NEBL: variants seen among roughly 807,000 people sequenced by gnomAD.
The protein encoded by NEBL is LIM and SH3 protein 2.
In NEBL, 122 loss-of-function variants were observed where a neutral mutation model predicts 140.2. The observed-to-expected ratio is 0.87, with a 90% CI of 0.75 to 1.01. The LOEUF is 1.01. NEBL is among the 50% of genes least tolerant of loss of function. The probability of loss-of-function intolerance (pLI) is 0.00; values close to 1 mark genes in which losing one functional copy is unlikely to be tolerated. For synonymous variants in NEBL, 436 were observed against 398.9 expected (o/e 1.09, Z -1.11); for missense variants, 1,365 against 1,231.3 (o/e 1.11, Z -1.62).
chr10:20,956,908 G>A (rs2131608473), intron 4 of NEBL, among the ~76,000 whole-genome samples: 2 of 152,302 alleles, frequency 1.3e-5, no homozygotes, highest in South Asian at 4.1e-4. Flanking sequence ...GCTCATGCAT[G>A]AGTTGACCCA....
At chr10:21,000,474 G>A (rs1837850110) in intron 3 of NEBL, among the ~76,000 whole-genome samples, 1 of 152,132 alleles carries the variant, frequency 6.6e-6, no homozygotes, top group African/African-American at 2.4e-5. Context: ...ACACAGGGTT[G>A]CAGAATGTTG....
At chr10:21,288,854 A>AAT (rs1564556780) in intron 1 of NEBL, among the ~76,000 whole-genome samples, 29 of 98,032 alleles carry the variant, frequency 3.0e-4, no homozygotes, top group African/African-American at 1.1e-3. Context: ...ATATATAAAA[A>AAT]TTTTTTTTTT....
At chr10:20,868,602 C>T (rs756484548) in intron 7 of NEBL, 62 bp downstream of exon 7, 7 of 1,103,554 alleles carry the variant, frequency 6.3e-6, no homozygotes, top group Non-Finnish European at 8.4e-6. Flanking sequence ...CAATATTCTC[C>T]TGTGCTGTTA....
intron 3 of NEBL, among the ~76,000 whole-genome samples, chr10:21,208,409 G>A (rs1841864249): frequency 6.6e-6 from 1 of 152,188 alleles, no homozygotes; most frequent in African/African-American, 2.4e-5. Context: ...AATAGGTACT[G>A]AACAACTACA....
intron 3 of NEBL, among the ~76,000 whole-genome samples, chr10:21,007,972 A>G (rs1192231643): frequency 1.3e-5 from 2 of 152,226 alleles, no homozygotes; most frequent in African/African-American, 4.8e-5. Flanking sequence ...TTAAATTGCA[A>G]TAAGGTGACT....
intron 2 of NEBL, among the ~76,000 whole-genome samples, chr10:21,036,769 A>G (rs634614): frequency 0.6 from 91,774 of 151,732 alleles, 27,853 homozygotes; most frequent in East Asian, 0.73. Context: ...CAGAAAGTGA[A>G]CCATCCGCCT....
chr10:20,995,105 C>A (rs1395090265), intron 3 of NEBL, among the ~76,000 whole-genome samples: 1 of 152,196 alleles, frequency 6.6e-6, no homozygotes, highest in African/African-American at 2.4e-5. Flanking sequence ...TGGGGACCCC[C>A]CTCACCTTTG....
chr10:21,161,177 T>TTTTTTA (rs1212986778), intron 2 of NEBL, among the ~76,000 whole-genome samples: 1 of 152,172 alleles, frequency 6.6e-6, no homozygotes, highest in Non-Finnish European at 1.5e-5. Flanking sequence ...CTATTGCTTC[T>TTTTTTA]TTTTTATTTT....
intron 3 of NEBL, among the ~76,000 whole-genome samples, chr10:21,235,345 T>A (rs1429134107): frequency 6.6e-6 from 1 of 152,038 alleles, no homozygotes. Context: ...AGTGTTTTTA[T>A]TTATTTATTT....
chr10:20,934,396 A>C (rs559010145), intron 4 of NEBL, among the ~76,000 whole-genome samples: 43 of 152,316 alleles, frequency 2.8e-4, no homozygotes, highest in Admixed American at 1.0e-3. Flanking sequence ...ACTAATGTGC[A>C]CTAACGCAGA....
intron 5 of NEBL, among the ~76,000 whole-genome samples, chr10:20,873,938 T>C (rs1387442675): frequency 1.3e-5 from 2 of 152,192 alleles, no homozygotes; most frequent in Non-Finnish European, 2.9e-5. Flanking sequence ...CATTTTGTTC[T>C]ATATGTCTGT....
intron 2 of NEBL, among the ~76,000 whole-genome samples, chr10:20,892,616 T>C (rs788964): frequency 0.9 from 137,431 of 152,234 alleles, 62,174 homozygotes; most frequent in South Asian, 0.92. Flanking sequence ...TTGATGACTT[T>C]ATGATCATTA....
chr10:21,269,826 T>C (rs377482782), intron 1 of NEBL, among the ~76,000 whole-genome samples: 2 of 152,310 alleles, frequency 1.3e-5, no homozygotes, highest in East Asian at 3.9e-4. Flanking sequence ...AGACTGGGTC[T>C]CCAGGCACAG....
rs143804463 is a variant in NEBL at position 21,253,133 on chromosome 10, G to C, written n.183-1305C>G. Among the ~76,000 whole-genome samples the C allele has an allele frequency of 6.0e-3, 920 of 152,198 alleles. 8 individuals are homozygous for C. The highest frequency in any genetic ancestry group is 0.02 in the African/African-American group (840 of 41,524). On this transcript the variant is annotated intron_variant and non_coding_transcript_variant, in intron 1 of 8. Coordinates refer to the NEBL transcript ENST00000675702. ...AAAAATTAGCTGGGCATGATGGCAGGCACCTGTAATCCAAGCTACTCAGGA... is the reference window on the plus strand; with the variant it reads ...AAAAATTAGCTGGGCATGATGGCAGCCACCTGTAATCCAAGCTACTCAGGA...
intron 1 of NEBL, among the ~76,000 whole-genome samples, chr10:21,267,639 C>A (rs1258610615): frequency 1.3e-5 from 2 of 152,024 alleles, no homozygotes; most frequent in African/African-American, 2.4e-5. Context: ...TACATGTTCC[C>A]GACAGTGTGG....
intron 4 of NEBL, among the ~76,000 whole-genome samples, chr10:20,947,895 G>C (rs1835258051): frequency 6.6e-6 from 1 of 152,210 alleles, no homozygotes; most frequent in Admixed American, 6.5e-5. Context: ...ATTATTTTCA[G>C]GTTATCTGTA....
chr10:21,149,985 T>C (rs1016911761), intron 2 of NEBL, among the ~76,000 whole-genome samples: 7 of 152,178 alleles, frequency 4.6e-5, no homozygotes, highest in Admixed American at 3.3e-4. Flanking sequence ...ACAGTTTGTG[T>C]TTTTTCCACT....
At chr10:21,145,299 C>G (rs1195687037) in intron 2 of NEBL, among the ~76,000 whole-genome samples, 1 of 152,208 alleles carries the variant, frequency 6.6e-6, no homozygotes, top group Admixed American at 6.5e-5. Flanking sequence ...CAGAAATATT[C>G]TCACATATGC....
intron 4 of NEBL, among the ~76,000 whole-genome samples, chr10:20,924,406 C>T (rs1481126596): frequency 8.0e-5 from 6 of 75,376 alleles, no homozygotes; most frequent in Non-Finnish European, 4.7e-5. Context: ...CTCGATCAGG[C>T]ATGAAGTAAA....
Sources: allele counts gnomAD v4.1 joint callset (sites outside exome capture counted in the v4.1 genomes callset), GRCh38; gene constraint gnomAD v4.1.1; transcripts MANE v1.5; gene names NCBI Gene and HGNC (gene_info 2026-07-23, HGNC 2026-07-21).